Variants in BRINP1 observed in about 807,000 individuals in gnomAD.
The protein encoded by BRINP1 is BMP/retinoic acid-inducible neural-specific protein 1.
Under a neutral mutation model 72.9 loss-of-function variants are expected in BRINP1, and 17 were observed. The observed-to-expected ratio is 0.23, with a 90% CI of 0.16 to 0.35. The LOEUF (loss-of-function observed/expected upper bound fraction) is 0.35. Among genes scored for constraint, BRINP1 ranks in the 10% least tolerant of loss-of-function variants. The pLI is 1.00. For synonymous variants in BRINP1, 418 were observed against 378.5 expected, an observed-to-expected ratio of 1.10 and a Z score of -1.21; for missense variants, 850 against 1,001.6, an observed-to-expected ratio of 0.85 and a Z score of 2.04.
intron 2 of BRINP1, among the ~76,000 whole-genome samples, chr9:119,302,266 T>A (rs1171187701): frequency 6.6e-6 from 1 of 152,200 alleles, no homozygotes; most frequent in African/African-American, 2.4e-5. Context: ...TTCAAAGTAC[T>A]GCAAAAAATT....
At chr9:119,179,061 C>A (rs1277211563) in intron 7 of BRINP1, among the ~76,000 whole-genome samples, 1 of 152,120 alleles carries the variant, frequency 6.6e-6, no homozygotes, top group Non-Finnish European at 1.5e-5. Flanking sequence ...GGATTGCAAT[C>A]TATAAATACC....
At chr9:119,203,633 G>C (rs1829825555) in intron 7 of BRINP1, among the ~76,000 whole-genome samples, 1 of 152,128 alleles carries the variant, frequency 6.6e-6, no homozygotes, top group African/African-American at 2.4e-5. Flanking sequence ...AGGCTCAAAG[G>C]TTTCAGTAAC....
At chr9:119,329,202 C>T (rs1321065078) in intron 1 of BRINP1, among the ~76,000 whole-genome samples, 1 of 152,134 alleles carries the variant, frequency 6.6e-6, no homozygotes, top group African/African-American at 2.4e-5. Flanking sequence ...ATAGATAAAA[C>T]ACTTAAGTTT....
chr9:119,192,526 C>T (rs1462485507), intron 7 of BRINP1, among the ~76,000 whole-genome samples: 2 of 151,976 alleles, frequency 1.3e-5, no homozygotes, highest in Non-Finnish European at 2.9e-5. Flanking sequence ...CAGAGAAGTG[C>T]AAATTGAAAC....
chr9:119,269,200 A>G (rs958337944), intron 2 of BRINP1, among the ~76,000 whole-genome samples: 1 of 152,206 alleles, frequency 6.6e-6, no homozygotes, highest in Admixed American at 6.5e-5. Context: ...CAAAGCAGAC[A>G]TCTGAACTTC....
At chr9:119,169,838 GCCT>G (rs1554744434) in intron 7 of BRINP1, among the ~76,000 whole-genome samples, 1 of 152,182 alleles carries the variant, frequency 6.6e-6, no homozygotes, top group Non-Finnish European at 1.5e-5. Flanking sequence ...CCCCTGAGCA[GCCT>G]AACTGGGAGG....
intron 2 of BRINP1, among the ~76,000 whole-genome samples, chr9:119,297,254 GGCTCAGGGTTATAATAT>G (rs1434511328): frequency 1.3e-5 from 2 of 152,176 alleles, no homozygotes; most frequent in Admixed American, 6.5e-5. Flanking sequence ...AGGGAATTGA[GGCTCAGGGTTATAATAT>G]GCTCAGGTCA....
At chr9:119,266,131 G>C (rs1449195732) in intron 2 of BRINP1, among the ~76,000 whole-genome samples, 1 of 152,178 alleles carries the variant, frequency 6.6e-6, no homozygotes, top group East Asian at 1.9e-4. Flanking sequence ...AAGTTCAGGG[G>C]ACAGACAGTC....
rs915796669 is a variant in BRINP1, at chr9:119,294,704, A to G, written c.218+18434T>C. On this transcript the variant is annotated intron_variant, in intron 2 of 7. Coordinates refer to ENST00000265922, the MANE Select transcript of BRINP1 (RefSeq NM_014618.3). ...AACATAGTAAAACCCCATCTCTACT[A>G]AAAATACAAAAATTAGCCAGATGTG... Among the ~76,000 whole-genome samples, 16 of 152,096 alleles carry G rather than the reference A, an allele frequency of 1.1e-4. No individual in the cohort carries two copies. The East Asian group carries it at 3.1e-3, about 29-fold the overall frequency.
At chr9:119,286,111 A>T (rs1830758152) in intron 2 of BRINP1, among the ~76,000 whole-genome samples, 1 of 152,186 alleles carries the variant, frequency 6.6e-6, no homozygotes, top group Non-Finnish European at 1.5e-5. Flanking sequence ...TATTATCACC[A>T]CGAAAATTGT....
At chr9:119,367,710 G>T (rs549583837) in intron 1 of BRINP1, among the ~76,000 whole-genome samples, 1 of 152,320 alleles carries the variant, frequency 6.6e-6, no homozygotes, top group Admixed American at 6.5e-5. Flanking sequence ...TGAGAGACGC[G>T]AGGTGCAAAC....
chr9:119,195,217 C>G (rs1430301817), intron 7 of BRINP1, among the ~76,000 whole-genome samples: 1 of 152,240 alleles, frequency 6.6e-6, no homozygotes, highest in East Asian at 1.9e-4. Context: ...TGCTCACCCC[C>G]CTACCACTTG....
intron 1 of BRINP1, among the ~76,000 whole-genome samples, chr9:119,354,640 G>A (rs1001192769): frequency 5.3e-5 from 8 of 151,844 alleles, no homozygotes; most frequent in South Asian, 2.1e-4. Flanking sequence ...CAGGAGGATC[G>A]CTTAAGGCCA....
intron 7 of BRINP1, among the ~76,000 whole-genome samples, chr9:119,171,481 G>C (rs995729506): frequency 6.6e-6 from 1 of 150,582 alleles, no homozygotes; most frequent in Admixed American, 6.6e-5. Flanking sequence ...GATTCATAAA[G>C]CAAGTCCCGA....
At chr9:119,235,276 T>C (rs1830183196) in intron 5 of BRINP1, among the ~76,000 whole-genome samples, 1 of 152,222 alleles carries the variant, frequency 6.6e-6, no homozygotes, top group Admixed American at 6.5e-5. Flanking sequence ...CTCATTAATG[T>C]GCTGCAGAAG....
intron 2 of BRINP1, among the ~76,000 whole-genome samples, chr9:119,297,450 G>A (rs892442545): frequency 6.6e-6 from 1 of 152,116 alleles, no homozygotes; most frequent in African/African-American, 2.4e-5. Flanking sequence ...TCCCAGCTGT[G>A]TGACCCTGGC....
chr9:119,168,200 C>A lies in BRINP1; in HGVS notation c.1170G>T (p.Arg390Ser), dbSNP rs1004196095. ...RERTIQQWLA[R>S]VQSLLYCNEN... The stretch of plus-strand genomic sequence containing the variant: ...CATTACAGTAGAGGAGTGACTGGAC[C>A]CTTGCAAGCCACTGCTGAATTGTCC... Residue 390 changes from arginine to serine, a missense_variant, in exon 8 of 8, where the codon AGG (arginine) becomes AGT (serine). Coordinates refer to ENST00000265922, the MANE Select transcript of BRINP1 (RefSeq NM_014618.3). 2 of 1,521,106 alleles carry A rather than the reference C, an allele frequency of 1.3e-6. No homozygotes were observed. The highest frequency in any genetic ancestry group is 2.8e-5 in the African/African-American group (2 of 72,030). The allele number at this position is 1,521,106 out of a possible 1,614,324, so 94.2% of individuals were successfully genotyped here.
intron 2 of BRINP1, among the ~76,000 whole-genome samples, chr9:119,295,399 T>C (rs952006533): frequency 1.3e-5 from 2 of 152,160 alleles, no homozygotes; most frequent in South Asian, 2.1e-4. Context: ...CTAGATGATA[T>C]ATCCTACTAC....
intron 7 of BRINP1, among the ~76,000 whole-genome samples, chr9:119,170,476 C>G (rs1829392425): frequency 6.6e-6 from 1 of 151,888 alleles, no homozygotes; most frequent in African/African-American, 2.4e-5. Context: ...AAATATGGGA[C>G]TATGTGAAAA....
Sources: gnomAD v4.1 joint callset for allele counts (sites outside exome capture counted in the v4.1 genomes callset) on GRCh38, gnomAD v4.1.1 for gene constraint, MANE v1.5 for transcripts, NCBI Gene and HGNC (gene_info 2026-07-23, HGNC 2026-07-21) for gene names.